The following CFAP47 variants were observed in gnomAD, a reference collection of about 807,000 sequenced individuals.
The protein encoded by CFAP47 is cilia- and flagella-associated protein 47.
CFAP47 carries 29 observed loss-of-function variants against 148.1 expected under a neutral mutation model. That is an observed-to-expected ratio of 0.20 (90% CI 0.15 to 0.27). The LOEUF is 0.27. Ranked by LOEUF, CFAP47 falls within the 10% of genes least tolerant of loss-of-function variation. The pLI is 1.00. For missense variants in CFAP47, 1,872 were observed against 1,697.5 expected, an observed-to-expected ratio of 1.10 and a Z score of -1.81; for synonymous variants, 664 against 577.3, an observed-to-expected ratio of 1.15 and a Z score of -2.15.
Position 36,361,441 on chromosome X carries a change from T to G in CFAP47, c.8963T>G (p.Ile2988Ser), listed in dbSNP as rs1362469702. 2 of 1,093,733 alleles carry G rather than the reference T, an allele frequency of 1.8e-6. No individual in the cohort carries two copies. The highest frequency in any genetic ancestry group is 3.7e-5 in the African/African-American group (2 of 54,481). 90.1% of individuals were successfully genotyped at this position (1,093,733 alleles called of 1,213,427 possible). Residue 2988 changes from isoleucine (I) to serine (S), a missense_variant, in exon 61 of 64, where the codon ATT (isoleucine) becomes AGT (serine). By Grantham distance (142) the Ile-to-Ser change is moderately radical. Transcript: ENST00000378653. ...ALYMIEKSYD[I>S]MAKRITFIFN... is the part of the protein sequence containing the mutation. ...TATATGATTGAAAAATCTTATGATA[T>G]TATGGCTAAAAGGATAACATTTATC... is the stretch of plus-strand genomic sequence containing the variant.
At chrX:36,199,074 A>G (rs1555987587) in intron 42 of CFAP47, among the ~76,000 whole-genome samples, 1 of 111,860 alleles carries the variant, frequency 8.9e-6, no homozygotes, top group Non-Finnish European at 1.9e-5. Context: ...CAAACATCCA[A>G]GCTGTTTTCA....
At chrX:36,086,567 A>T (rs1167918572) in intron 30 of CFAP47, among the ~76,000 whole-genome samples, 1 of 112,153 alleles carries the variant, frequency 8.9e-6, no homozygotes, top group African/African-American at 3.2e-5. Context: ...GCAGGAATAC[A>T]AATTAAAGAT....
chrX:36,194,650 C>A lies in CFAP47; in HGVS notation c.6321+4454C>A, dbSNP rs184489433. On this transcript the variant is annotated intron_variant, in intron 42 of 63. Coordinates refer to ENST00000378653, the MANE Select transcript of CFAP47 (RefSeq NM_001304548.2). ...GAAGGAGAAGGAGAAACAAGCATGT[C>A]TTCACATGGCTGGCAGGAGAGAGAG... Among the ~76,000 whole-genome samples the A allele has an allele frequency of 3.2e-3, 361 of 111,446 alleles. 1 individual carries two copies. Among genetic ancestry groups the A allele is most frequent in the African/African-American group, 0.01 (320 of 30,662 alleles).
chrX:36,021,741 C>T (rs1236492776), intron 22 of CFAP47, among the ~76,000 whole-genome samples: 2 of 102,080 alleles, frequency 2.0e-5, no homozygotes, highest in Non-Finnish European at 3.9e-5. Context: ...CTGTTCAACT[C>T]TCACTAATGA....
intron 33 of CFAP47, among the ~76,000 whole-genome samples, chrX:36,128,362 C>T (rs999538117): frequency 1.3e-4 from 14 of 111,311 alleles, no homozygotes; most frequent in African/African-American, 4.5e-4. Flanking sequence ...CCTGATAACT[C>T]CTACACTGTA....
Position 36,288,832 on chromosome X carries a change from A to C in CFAP47, c.7686+3106A>C, listed in dbSNP as rs190481738. ...AGGCTTGCTTGAGCTCGGGAGTTTG[A>C]GACCAGCCTGGGCAACATAGTGAGA... On this transcript the variant is annotated intron_variant, in intron 51 of 63. Transcript: ENST00000378653. Among the ~76,000 whole-genome samples the C allele has an allele frequency of 1.9e-3, 215 of 111,252 alleles. 1 individual carries two copies. Among genetic ancestry groups the C allele is most frequent in the African/African-American group, 6.4e-3 (195 of 30,625 alleles).
chrX:36,366,782 A>T (rs797035784), intron 61 of CFAP47, among the ~76,000 whole-genome samples, 184 bp from the exon 62 acceptor site: 1 of 111,844 alleles, frequency 8.9e-6, no homozygotes, highest in South Asian at 3.6e-4. Flanking sequence ...ATAATCTATG[A>T]CTCAAAAATT....
chrX:36,059,290 C>T (rs182066255), intron 26 of CFAP47, among the ~76,000 whole-genome samples: 13 of 111,666 alleles, frequency 1.2e-4, no homozygotes, highest in African/African-American at 3.6e-4. Context: ...ATAAAGTGCA[C>T]TACACTATTC....
intron 33 of CFAP47, among the ~76,000 whole-genome samples, chrX:36,123,498 A>G (rs1938783228): frequency 9.0e-6 from 1 of 111,625 alleles, no homozygotes; most frequent in Non-Finnish European, 1.9e-5. Context: ...CACTAAAACT[A>G]TGAGACACAG....
At chrX:36,258,286 A>G (rs924482574) in intron 49 of CFAP47, among the ~76,000 whole-genome samples, 39 of 112,205 alleles carry the variant, frequency 3.5e-4, no homozygotes, top group African/African-American at 1.3e-3. Flanking sequence ...CTTGAGAAAT[A>G]TGAAGTTTTG....
At chrX:36,027,110 GTGATTATATATATATGATTATATATATA>G (rs200449147) in intron 22 of CFAP47, among the ~76,000 whole-genome samples, 1 of 100,233 alleles carries the variant, frequency 1.0e-5, no homozygotes, top group Admixed American at 1.1e-4. Flanking sequence ...TTATATATAT[GTGATTATATATATATGATTATATATATA>G]TGATTATATA....
chrX:36,028,059 C>T (rs1937240791), intron 22 of CFAP47, among the ~76,000 whole-genome samples: 1 of 111,412 alleles, frequency 9.0e-6, no homozygotes, highest in Non-Finnish European at 1.9e-5. Context: ...GATATTAGTC[C>T]TTTGTCAGAT....
At chrX:35,967,164 G>A (rs1703966361) in intron 9 of CFAP47, among the ~76,000 whole-genome samples, 1 of 111,053 alleles carries the variant, frequency 9.0e-6, no homozygotes, top group African/African-American at 3.3e-5. Context: ...GATGTATACA[G>A]TTTATTTAAT....
At chrX:36,115,243 G>A (rs1177021134) in intron 33 of CFAP47, among the ~76,000 whole-genome samples, 6 of 111,328 alleles carry the variant, frequency 5.4e-5, no homozygotes, top group African/African-American at 2.0e-4. Flanking sequence ...AGTAATTTAA[G>A]TCCTTTATTG....
chrX:36,083,253 A>G (rs73470935), intron 29 of CFAP47, among the ~76,000 whole-genome samples: 1,613 of 110,666 alleles, frequency 0.015, 36 homozygotes, highest in African/African-American at 0.05. Flanking sequence ...TGTAGTATAC[A>G]TATATGCATG....
chrX:36,121,690 C>T (rs1213447708), intron 33 of CFAP47, among the ~76,000 whole-genome samples: 2 of 111,236 alleles, frequency 1.8e-5, no homozygotes, highest in Non-Finnish European at 3.8e-5. Context: ...CCCTCCCCAT[C>T]TTCTGAACTT....
intron 45 of CFAP47, among the ~76,000 whole-genome samples, chrX:36,206,584 T>C (rs1360349030): frequency 4.5e-5 from 5 of 111,950 alleles, no homozygotes; most frequent in African/African-American, 1.3e-4. Context: ...GGTGACTATA[T>C]AGGATAATTC....
intron 18 of CFAP47, among the ~76,000 whole-genome samples, chrX:35,995,588 C>T (rs988433535): frequency 9.0e-6 from 1 of 110,957 alleles, no homozygotes; most frequent in Non-Finnish European, 1.9e-5. Flanking sequence ...CAGATGGTGG[C>T]AACATTTAGA....
intron 2 of CFAP47, among the ~76,000 whole-genome samples, chrX:35,938,923 C>T (rs1227052548): frequency 8.9e-6 from 1 of 111,759 alleles, no homozygotes; most frequent in African/African-American, 3.3e-5. Flanking sequence ...TCAATATCAA[C>T]ACCAATATTT....
Sources: allele counts gnomAD v4.1 joint callset (sites outside exome capture counted in the v4.1 genomes callset), GRCh38; gene constraint gnomAD v4.1.1; transcripts MANE v1.5; gene names NCBI Gene and HGNC (gene_info 2026-07-23, HGNC 2026-07-21).